The following KCNMA1 variants were observed in gnomAD, a reference collection of about 807,000 sequenced individuals.
KCNMA1 encodes the protein Calcium-activated potassium channel subunit alpha-1.
A neutral mutation model predicts 140.0 loss-of-function variants in KCNMA1; 29 were observed. That is an observed-to-expected ratio of 0.21 (90% CI 0.15 to 0.28). The LOEUF is 0.28. KCNMA1 is among the 10% of genes least tolerant of loss of function. The pLI, the probability that KCNMA1 is intolerant of heterozygous loss-of-function variation, is 1.00. For synonymous variants in KCNMA1, 612 were observed against 611.9 expected (o/e 1.00, Z 0.00); for missense variants, 880 against 1,602.2 (o/e 0.55, Z 7.70).
chr10:77,308,177 G>A (rs1451949949), intron 2 of KCNMA1, among the ~76,000 whole-genome samples: 3 of 152,172 alleles, frequency 2.0e-5, no homozygotes, highest in African/African-American at 4.8e-5. Context: ...AGGAGTGAGT[G>A]GGAGGACAGG....
At chr10:77,251,325 T>A in intron 2 of KCNMA1, 69 bp from the exon 3 acceptor site, 2 of 1,220,468 alleles carry the variant, frequency 1.6e-6, no homozygotes, top group Non-Finnish European at 2.4e-6. Flanking sequence ...TTTTGACACA[T>A]ACCGAAGCAG....
intron 2 of KCNMA1, among the ~76,000 whole-genome samples, chr10:77,398,560 G>A (rs1397210119): frequency 1.3e-5 from 2 of 152,134 alleles, no homozygotes; most frequent in African/African-American, 4.8e-5. Context: ...GATTTTTGTT[G>A]TTGAGTTTTT....
chr10:77,295,286 G>C (rs1449189951), intron 2 of KCNMA1, among the ~76,000 whole-genome samples: 2 of 151,922 alleles, frequency 1.3e-5, no homozygotes, highest in African/African-American at 4.8e-5. Flanking sequence ...GGCAGAGGTT[G>C]CAGTGAGCCG....
intron 1 of KCNMA1, among the ~76,000 whole-genome samples, chr10:77,625,784 A>C (rs1046388422): frequency 6.6e-6 from 1 of 152,234 alleles, no homozygotes; most frequent in African/African-American, 2.4e-5. Flanking sequence ...ACCTTTGGCC[A>C]TTGTAAATAA....
At chr10:77,385,987 G>A (rs935203556) in intron 2 of KCNMA1, among the ~76,000 whole-genome samples, 1 of 152,122 alleles carries the variant, frequency 6.6e-6, no homozygotes, top group Non-Finnish European at 1.5e-5. Flanking sequence ...AAGCATCAAG[G>A]GCAAATCCAT....
At chr10:77,461,723 C>T (rs2097871711) in intron 1 of KCNMA1, among the ~76,000 whole-genome samples, 1 of 152,186 alleles carries the variant, frequency 6.6e-6, no homozygotes, top group Admixed American at 6.5e-5. Context: ...GAGTCTGTCA[C>T]ATATCCAGCA....
chr10:77,425,505 C>T (rs1046086090), intron 1 of KCNMA1, among the ~76,000 whole-genome samples: 4 of 152,112 alleles, frequency 2.6e-5, no homozygotes, highest in Non-Finnish European at 4.4e-5. Context: ...CCATGGCATG[C>T]AGCTGAGGGG....
At chr10:77,002,393 C>T (rs564998398) in intron 18 of KCNMA1, among the ~76,000 whole-genome samples, 1 of 152,312 alleles carries the variant, frequency 6.6e-6, no homozygotes, top group Middle Eastern at 3.4e-3. Flanking sequence ...CTGAGAGGAT[C>T]TGAAAATCGC....
At chr10:77,295,592 T>C (rs1199082731) in intron 2 of KCNMA1, among the ~76,000 whole-genome samples, 1 of 149,962 alleles carries the variant, frequency 6.7e-6, no homozygotes, top group African/African-American at 2.5e-5. Context: ...CCATTCTGGC[T>C]AACAAGGTGA....
intron 1 of KCNMA1, among the ~76,000 whole-genome samples, chr10:77,501,643 G>A (rs991393754): frequency 2.2e-4 from 33 of 152,300 alleles, no homozygotes; most frequent in African/African-American, 7.9e-4. Context: ...GCAGAGCTGA[G>A]CAGAGGCTGA....
At chr10:77,266,607 A>G (rs1380930337) in intron 2 of KCNMA1, among the ~76,000 whole-genome samples, 1 of 152,164 alleles carries the variant, frequency 6.6e-6, no homozygotes, top group Non-Finnish European at 1.5e-5. Context: ...CTTTTCTTCT[A>G]TTGAATAATC....
chr10:76,929,095 TAAA>T (rs1165629973), intron 23 of KCNMA1, among the ~76,000 whole-genome samples: 1 of 151,872 alleles, frequency 6.6e-6, no homozygotes, highest in Non-Finnish European at 1.5e-5. Flanking sequence ...TAAATGCAAA[TAAA>T]TAAATAAATA....
At chr10:77,323,377 C>T (rs1435952818) in intron 2 of KCNMA1, among the ~76,000 whole-genome samples, 3 of 152,288 alleles carry the variant, frequency 2.0e-5, no homozygotes, top group Non-Finnish European at 2.9e-5. Context: ...TATTTACAGG[C>T]ATGGAAGAGT....
chr10:76,907,225 C>T (rs534928065), intron 25 of KCNMA1, among the ~76,000 whole-genome samples: 12 of 152,276 alleles, frequency 7.9e-5, no homozygotes, highest in African/African-American at 2.6e-4. Flanking sequence ...CACACTATCC[C>T]AAACATTTTT....
At chr10:77,286,644 CT>C (rs1302398172) in intron 2 of KCNMA1, among the ~76,000 whole-genome samples, 1 of 152,020 alleles carries the variant, frequency 6.6e-6, no homozygotes, top group African/African-American at 2.4e-5. Flanking sequence ...TTTAAAATTG[CT>C]GAGTGAGGCA....
intron 2 of KCNMA1, among the ~76,000 whole-genome samples, chr10:77,296,680 G>A (rs967133661): frequency 6.6e-6 from 1 of 152,036 alleles, no homozygotes; most frequent in Non-Finnish European, 1.5e-5. Flanking sequence ...TGGTCTGATG[G>A]TAGCAGTCTC....
At chr10:77,413,530 G>C (rs1160494590) in intron 1 of KCNMA1, among the ~76,000 whole-genome samples, 1 of 152,154 alleles carries the variant, frequency 6.6e-6, no homozygotes, top group Non-Finnish European at 1.5e-5. Flanking sequence ...GGCACCACCA[G>C]CTGGGGTTTT....
chr10:77,526,985 TC>T (rs2055985463), intron 1 of KCNMA1, among the ~76,000 whole-genome samples: 1 of 152,230 alleles, frequency 6.6e-6, no homozygotes, highest in South Asian at 2.1e-4. Context: ...CATTTCCTTT[TC>T]AAATCCTTTG....
At chr10:77,470,583 GA>G (rs2098128954) in intron 1 of KCNMA1, among the ~76,000 whole-genome samples, 1 of 152,210 alleles carries the variant, frequency 6.6e-6, no homozygotes, top group African/African-American at 2.4e-5. Flanking sequence ...AGAAAAAGAA[GA>G]ATCTAATTCC....
Sources: allele counts gnomAD v4.1 joint callset (sites outside exome capture counted in the v4.1 genomes callset), GRCh38; gene constraint gnomAD v4.1.1; transcripts MANE v1.5; gene names NCBI Gene and HGNC (gene_info 2026-07-23, HGNC 2026-07-21).